The following GNG7 variants were observed in gnomAD, a reference collection of about 807,000 sequenced individuals.
The protein encoded by GNG7 is guanine nucleotide-binding protein G(I)/G(S)/G(O) subunit gamma-7.
Under a neutral mutation model 4.0 loss-of-function variants are expected in GNG7, and 1 was observed. The ratio of observed to expected loss-of-function variants is 0.25; its 90% confidence interval spans 0.09 to 1.18. GNG7 has a LOEUF of 1.18. GNG7 is among the 50% of genes most tolerant of loss of function. The pLI, the probability that GNG7 is intolerant of heterozygous loss-of-function variation, is 0.50. For missense variants in GNG7, 86 were observed against 91.9 expected (o/e 0.94, Z 0.26); for synonymous variants, 34 against 36.9 (o/e 0.92, Z 0.29).
intron 1 of GNG7, among the ~76,000 whole-genome samples, chr19:2,655,693 G>A (rs921006206): frequency 2.0e-5 from 3 of 151,856 alleles, no homozygotes; most frequent in African/African-American, 7.3e-5. Flanking sequence ...AAAAAAATTA[G>A]CCGGGCGTGG....
chr19:2,691,857 A>C (rs1343489407), intron 1 of GNG7, among the ~76,000 whole-genome samples: 1 of 118,182 alleles, frequency 8.5e-6, no homozygotes, highest in African/African-American at 3.5e-5. Context: ...GCAGAGCAAG[A>C]TTGCATCTCA....
intron 1 of GNG7, among the ~76,000 whole-genome samples, chr19:2,648,928 G>T (rs1651811185): frequency 6.7e-6 from 1 of 148,608 alleles, no homozygotes; most frequent in African/African-American, 2.5e-5. Context: ...TCACTCTATT[G>T]CCCAGGCTGG....
chr19:2,659,423 C>T (rs1208641120), intron 1 of GNG7, among the ~76,000 whole-genome samples: 1 of 150,420 alleles, frequency 6.6e-6, no homozygotes, highest in East Asian at 2.0e-4. Flanking sequence ...AACTCCATCT[C>T]TACTAAAAAT....
chr19:2,586,577 G>A (rs1247904591), intron 2 of GNG7, among the ~76,000 whole-genome samples: 1 of 152,132 alleles, frequency 6.6e-6, no homozygotes, highest in Non-Finnish European at 1.5e-5. Context: ...GCAAATCCCA[G>A]CCCTGACATT....
chr19:2,599,450 G>A (rs1007005890), intron 2 of GNG7, among the ~76,000 whole-genome samples: 2 of 152,088 alleles, frequency 1.3e-5, no homozygotes, highest in African/African-American at 4.8e-5. Context: ...GGGTTTCCAG[G>A]AGGTGGAGGT....
At chr19:2,605,045 G>T (rs1047525039) in intron 2 of GNG7, among the ~76,000 whole-genome samples, 18 of 152,182 alleles carry the variant, frequency 1.2e-4, no homozygotes, top group African/African-American at 4.3e-4. Context: ...ATGTGGGCAA[G>T]GCCGTGCTCC....
intron 2 of GNG7, among the ~76,000 whole-genome samples, chr19:2,593,580 C>G (rs948889529): frequency 6.6e-6 from 1 of 151,880 alleles, no homozygotes; most frequent in Admixed American, 6.6e-5. Context: ...CTCGTCTCTA[C>G]TAAAAATACA....
At chr19:2,625,699 G>A (rs1351651315) in intron 2 of GNG7, among the ~76,000 whole-genome samples, 1 of 152,242 alleles carries the variant, frequency 6.6e-6, no homozygotes, top group Non-Finnish European at 1.5e-5. Context: ...GGAGATGAGG[G>A]TGTGAGAGGG....
At chr19:2,575,592 G>A (rs888334453) in intron 2 of GNG7, among the ~76,000 whole-genome samples, 4 of 121,658 alleles carry the variant, frequency 3.3e-5, no homozygotes, top group African/African-American at 1.3e-4. Context: ...GGCACACGCA[G>A]ACACGCAGGC....
chr19:2,633,718 G>A lies in GNG7; in HGVS notation c.-78+12506C>T, dbSNP rs1201088861. On this transcript the variant is annotated intron_variant, in intron 2 of 4. Coordinates refer to ENST00000382159, the MANE Select transcript of GNG7 (RefSeq NM_052847.3). The surrounding 1 kb of genome is among the most constrained non-coding windows in gnomAD (Gnocchi z 5.9). Reference sequence around the variant, plus strand: ...CGGGTGTCTGTTTACCGGGGCTTGAGTGGGAGCTGTAGTAATTCTGTCCAG... The same window carrying A: ...CGGGTGTCTGTTTACCGGGGCTTGAATGGGAGCTGTAGTAATTCTGTCCAG... 6.6e-6 allele frequency among the ~76,000 whole-genome samples: 1 copy of A among 152,110 alleles called. No homozygotes were observed. Among genetic ancestry groups the A allele is most frequent in the African/African-American group, 2.4e-5 (1 of 41,416 alleles).
intron 2 of GNG7, among the ~76,000 whole-genome samples, chr19:2,590,425 A>G (rs1444529523): frequency 6.7e-6 from 1 of 150,138 alleles, no homozygotes; most frequent in Non-Finnish European, 1.5e-5. Flanking sequence ...CTATGTCTCT[A>G]TATCTATTCA....
At chr19:2,584,650 G>GGGAT (rs1980594900) in intron 2 of GNG7, among the ~76,000 whole-genome samples, 1 of 103,038 alleles carries the variant, frequency 9.7e-6, no homozygotes, top group Non-Finnish European at 2.0e-5. Context: ...GAGGGAGGGA[G>GGGAT]GGAGGGAAGG....
chr19:2,658,167 C>T (rs892854053), intron 1 of GNG7, among the ~76,000 whole-genome samples: 1 of 152,050 alleles, frequency 6.6e-6, no homozygotes, highest in African/African-American at 2.4e-5. Flanking sequence ...TCTCCACACA[C>T]GGGGAGAAAA....
intron 1 of GNG7, among the ~76,000 whole-genome samples, chr19:2,684,710 C>T (rs1235163175): frequency 2.0e-5 from 3 of 152,056 alleles, no homozygotes; most frequent in African/African-American, 7.2e-5. Flanking sequence ...GGATGGGGGC[C>T]GGGCACAGTG....
intron 1 of GNG7, among the ~76,000 whole-genome samples, chr19:2,664,692 G>A (rs893781783): frequency 8.6e-5 from 13 of 151,168 alleles, no homozygotes; most frequent in African/African-American, 2.9e-4. Context: ...CTGCCCCATC[G>A]GGAATCTATT....
At chr19:2,552,041 C>T (rs889087868) in intron 3 of GNG7, among the ~76,000 whole-genome samples, 1 of 152,200 alleles carries the variant, frequency 6.6e-6, no homozygotes, top group Non-Finnish European at 1.5e-5. Context: ...GCTCCGCCTC[C>T]TGTCCCATCA....
intron 3 of GNG7, among the ~76,000 whole-genome samples, chr19:2,529,518 C>T (rs1978519960): frequency 1.3e-5 from 2 of 152,180 alleles, no homozygotes; most frequent in Admixed American, 6.5e-5. Flanking sequence ...ACGCCCGGCC[C>T]ATTTTTGTGT....
intron 2 of GNG7, among the ~76,000 whole-genome samples, chr19:2,595,627 C>A (rs1010389673): frequency 2.0e-5 from 3 of 149,584 alleles, no homozygotes; most frequent in South Asian, 4.2e-4. Context: ...CCCAGCTACT[C>A]GGGAGGCTGA....
chr19:2,669,672 G>A (rs935513342), intron 1 of GNG7, among the ~76,000 whole-genome samples: 37 of 152,296 alleles, frequency 2.4e-4, no homozygotes, highest in African/African-American at 7.9e-4. Flanking sequence ...AGAGCGCCTG[G>A]CTCAGAGCGT....
Sources: allele counts gnomAD v4.1 joint callset (sites outside exome capture counted in the v4.1 genomes callset), GRCh38; gene constraint gnomAD v4.1.1; non-coding constraint Gnocchi (gnomAD v3.1); transcripts MANE v1.5; gene names NCBI Gene and HGNC (gene_info 2026-07-23, HGNC 2026-07-21).